Variants in UPRT observed in about 807,000 individuals in gnomAD.
The protein encoded by UPRT is RP11-311P8.3.
A neutral mutation model predicts 22.6 loss-of-function variants in UPRT; 5 were observed. The ratio of observed to expected loss-of-function variants is 0.22; its 90% CI spans 0.12 to 0.47. UPRT has a LOEUF of 0.47. Ranked by LOEUF, UPRT falls within the 20% of genes least tolerant of loss-of-function variation. UPRT has a pLI of 0.99. For synonymous variants in UPRT, 77 were observed against 87.7 expected, an observed-to-expected ratio of 0.88 and a Z score of 0.68; for missense variants, 181 against 239.9, an observed-to-expected ratio of 0.75 and a Z score of 1.62.
intron 4 of UPRT, among the ~76,000 whole-genome samples, chrX:75,261,886 T>G (rs1329033152): frequency 9.0e-6 from 1 of 111,183 alleles, no homozygotes; most frequent in Non-Finnish European, 1.9e-5. Flanking sequence ...TCAATAAACA[T>G]AATCCATCAC....
intron 4 of UPRT, among the ~76,000 whole-genome samples, chrX:75,267,530 C>A (rs918257447): frequency 9.0e-6 from 1 of 111,723 alleles, no homozygotes; most frequent in Non-Finnish European, 1.9e-5. Context: ...ACATACGTAA[C>A]AAACCTGCAC....
At chrX:75,179,674 G>A (rs748485114) in intron 4 of UPRT, among the ~76,000 whole-genome samples, 5 of 113,627 alleles carry the variant, frequency 4.4e-5, no homozygotes, top group Non-Finnish European at 9.4e-5. Context: ...CGGGAAGGCA[G>A]CTAAGGCTCG....
chrX:75,250,564 A>T lies in UPRT; in HGVS notation c.-446-40460A>T, dbSNP rs896608377. Among the ~76,000 whole-genome samples, 7 of 111,497 alleles carry T rather than the reference A, an allele frequency of 6.3e-5. No homozygotes were observed. In the Admixed American group the frequency reaches 6.7e-4, roughly 11 times the overall value. ...TAACAGGCTCTGAAATTGAGGCAAT[A>T]ATTAATAGCTTACCAACCAAAACAA... On this transcript the variant is annotated intron_variant, in intron 4 of 13. Coordinates refer to the UPRT transcript ENST00000652605.
chrX:75,196,496 T>C (rs1363502538), intron 4 of UPRT, among the ~76,000 whole-genome samples: 1 of 112,500 alleles, frequency 8.9e-6, no homozygotes, highest in African/African-American at 3.2e-5. Flanking sequence ...AACTTTCTTG[T>C]TGAAAACTAA....
At chrX:75,296,264 A>G (rs189908225) in intron 2 of UPRT, 78 bp from the exon 3 acceptor site, 43 of 997,559 alleles carry the variant, frequency 4.3e-5, no homozygotes, top group East Asian at 3.7e-4. Flanking sequence ...GACTCTGCCT[A>G]CTGTTCAGCT....
intron 4 of UPRT, among the ~76,000 whole-genome samples, chrX:75,185,937 G>A (rs1299343342): frequency 6.3e-5 from 7 of 110,463 alleles, no homozygotes; most frequent in Non-Finnish European, 9.5e-5. Context: ...TCTTGGTAGC[G>A]GTCTATCAAT....
At chrX:75,294,751 T>C (rs1161093896) in intron 2 of UPRT, 1 of 322,888 alleles carries the variant, frequency 3.1e-6, no homozygotes, top group Non-Finnish European at 4.4e-6. Context: ...TCATTCTGTC[T>C]TTTATGCTTT....
chrX:75,265,123 C>G (rs1170922946), intron 4 of UPRT, among the ~76,000 whole-genome samples: 1 of 111,584 alleles, frequency 9.0e-6, no homozygotes, highest in South Asian at 3.8e-4. Context: ...TTTTTTCCTT[C>G]ATTTCAACTT....
At chrX:75,204,194 T>A (rs1252263118) in intron 4 of UPRT, among the ~76,000 whole-genome samples, 1 of 110,522 alleles carries the variant, frequency 9.0e-6, no homozygotes, top group Non-Finnish European at 1.9e-5. Flanking sequence ...TTAGGGACCC[T>A]AAGAAAGGGG....
At chrX:75,291,986 C>T (rs1169403076) in intron 1 of UPRT, among the ~76,000 whole-genome samples, 28 of 111,198 alleles carry the variant, frequency 2.5e-4, no homozygotes, top group African/African-American at 8.5e-4. Context: ...CAGATTTGGG[C>T]GACTCTGATT....
chrX:75,164,582 T>C (rs990499803), intron 3 of UPRT, among the ~76,000 whole-genome samples: 1 of 111,957 alleles, frequency 8.9e-6, no homozygotes, highest in Non-Finnish European at 1.9e-5. Context: ...TCTGTAAAGA[T>C]AGAATGTTAG....
intron 5 of UPRT, among the ~76,000 whole-genome samples, chrX:75,300,566 C>T (rs923402095): frequency 9.0e-6 from 1 of 111,367 alleles, no homozygotes; most frequent in African/African-American, 3.3e-5. Flanking sequence ...GTGGAAGGAT[C>T]GCTTGAGCCC....
intron 4 of UPRT, among the ~76,000 whole-genome samples, chrX:75,260,365 C>T (rs1222405887): frequency 6.3e-5 from 7 of 111,580 alleles, no homozygotes; most frequent in Non-Finnish European, 7.5e-5. Context: ...GACCATCTCA[C>T]GTGCAGACGC....
intron 4 of UPRT, among the ~76,000 whole-genome samples, chrX:75,214,468 A>G (rs2082387485): frequency 8.9e-6 from 1 of 112,966 alleles, no homozygotes; most frequent in Non-Finnish European, 1.9e-5. Flanking sequence ...TCATAGCAGC[A>G]GAGAGTGGAA....
chrX:75,220,351 T>C (rs1011953702), intron 4 of UPRT, among the ~76,000 whole-genome samples: 3 of 111,301 alleles, frequency 2.7e-5, no homozygotes, highest in Admixed American at 9.6e-5. Context: ...TGATTTTTAA[T>C]CCATTCAGCC....
chrX:75,208,092 A>G (rs938492580), intron 4 of UPRT, among the ~76,000 whole-genome samples: 2 of 111,313 alleles, frequency 1.8e-5, no homozygotes, highest in Non-Finnish European at 3.8e-5. Flanking sequence ...GAAGGAGAGG[A>G]GGTCCTTTGA....
rs190760671 is a variant in UPRT, at chrX:75,167,496, C to T, written c.-520-310C>T. Among the ~76,000 whole-genome samples the T allele has an allele frequency of 3.4e-3, 380 of 111,505 alleles. 2 individuals are homozygous for T. Among genetic ancestry groups the T allele is most frequent in the African/African-American group, 0.012 (363 of 30,801 alleles). The stretch of plus-strand genomic sequence containing the variant: ...TCTTTAAGTAACTATCATATTAGAC[C>T]CATAATGGGGGTTCAAGCAATATTT... On this transcript the variant is annotated intron_variant, in intron 3 of 13. Transcript: ENST00000652605.
At chrX:75,176,932 A>G (rs2082248688) in intron 4 of UPRT, among the ~76,000 whole-genome samples, 1 of 111,575 alleles carries the variant, frequency 9.0e-6, no homozygotes, top group African/African-American at 3.3e-5. Context: ...GCCAAGCCGT[A>G]GTGCAGAAAA....
chrX:75,171,559 G>A (rs1350965527), intron 4 of UPRT, among the ~76,000 whole-genome samples: 2 of 110,205 alleles, frequency 1.8e-5, no homozygotes, highest in East Asian at 2.8e-4. Context: ...TTGACCTTCC[G>A]CATTCTTTTT....
Sources: allele counts gnomAD v4.1 joint callset (sites outside exome capture counted in the v4.1 genomes callset), GRCh38; gene constraint gnomAD v4.1.1; transcripts MANE v1.5; gene names NCBI Gene and HGNC (gene_info 2026-07-23, HGNC 2026-07-21).